EHBP1: variants seen among roughly 807,000 people sequenced by gnomAD.
EHBP1 encodes EH domain-binding protein 1.
A neutral mutation model predicts 144.0 loss-of-function variants in EHBP1; 55 were observed. The ratio of observed to expected loss-of-function variants is 0.38; its 90% CI spans 0.31 to 0.48. EHBP1 has a LOEUF of 0.48. EHBP1 is among the 20% of genes least tolerant of loss of function. The pLI, the probability that EHBP1 is intolerant of heterozygous loss-of-function variation, is 0.98. For synonymous variants in EHBP1, 469 were observed against 472.7 expected (o/e 0.99, Z 0.10); for missense variants, 1,200 against 1,364.2 (o/e 0.88, Z 1.90).
chr2:62,794,339 G>C (rs888643724), intron 5 of EHBP1, among the ~76,000 whole-genome samples: 2 of 151,802 alleles, frequency 1.3e-5, no homozygotes, highest in Admixed American at 6.6e-5. Flanking sequence ...AGTATTTCTT[G>C]GTAGCTTGAT....
chr2:63,045,748 T>C lies in EHBP1; in HGVS notation c.*248T>C. 2.2e-6 allele frequency: 1 copy of C among 454,084 alleles called. No individual in the cohort carries two copies. The highest frequency in any genetic ancestry group is 4.0e-6 in the Non-Finnish European group (1 of 248,480). The allele number at this position is 454,084 out of a possible 1,614,324, so 28.1% of individuals were successfully genotyped here. ...TTCCTTGAAATCCTGTGAAATAGAT[T>C]TGCACAGACACCTTGTGAGTGATTG... On this transcript the variant is annotated 3_prime_UTR_variant, in exon 23 of 23. Coordinates refer to ENST00000431489, the MANE Select transcript of EHBP1 (RefSeq NM_001142616.3). This position sits in a 1 kb window ranked among gnomAD's most constrained non-coding sequence, Gnocchi z 5.7.
chr2:62,989,938 G>A (rs890793502), intron 15 of EHBP1, among the ~76,000 whole-genome samples: 2 of 152,058 alleles, frequency 1.3e-5, no homozygotes, highest in Admixed American at 1.3e-4. Flanking sequence ...AATGACAATA[G>A]CATTTATTAA....
At chr2:62,982,393 A>G (rs1183407066) in intron 15 of EHBP1, among the ~76,000 whole-genome samples, 2 of 152,202 alleles carry the variant, frequency 1.3e-5, no homozygotes, top group African/African-American at 4.8e-5. Flanking sequence ...TTCAAAAGAC[A>G]GTAGGCTGGA....
At chr2:62,785,049 G>A (rs1229197869) in intron 5 of EHBP1, among the ~76,000 whole-genome samples, 1 of 151,762 alleles carries the variant, frequency 6.6e-6, no homozygotes, top group African/African-American at 2.4e-5. Flanking sequence ...TACTGTAGCT[G>A]TAAGAAATAC....
chr2:62,729,190 ATTC>A (rs2037142769), intron 2 of EHBP1, among the ~76,000 whole-genome samples: 1 of 146,690 alleles, frequency 6.8e-6, no homozygotes, highest in African/African-American at 2.5e-5. Context: ...GTTTGTCCTT[ATTC>A]TTTTTTTTTT....
chr2:62,718,707 T>C (rs1265328450), intron 2 of EHBP1, among the ~76,000 whole-genome samples: 3 of 152,198 alleles, frequency 2.0e-5, no homozygotes, highest in Admixed American at 2.0e-4. Flanking sequence ...AACAAAGCTT[T>C]AGCAGGTGCT....
At chr2:62,952,210 A>G (rs1487628545) in intron 13 of EHBP1, among the ~76,000 whole-genome samples, 8 of 152,214 alleles carry the variant, frequency 5.3e-5, no homozygotes, top group East Asian at 3.8e-4. Context: ...TTGACACTGG[A>G]TTGGCAAAAG....
chr2:62,728,222 G>T (rs1356207541), intron 2 of EHBP1, among the ~76,000 whole-genome samples: 2 of 148,122 alleles, frequency 1.4e-5, no homozygotes, highest in East Asian at 3.8e-4. Flanking sequence ...TAAACATTAC[G>T]AAGAAGGAGC....
rs557172124 is a variant in EHBP1, at chr2:62,922,897, T to A, written c.1186-19821T>A. On this transcript the variant is annotated intron_variant, in intron 10 of 22. Transcript: ENST00000431489. Reference sequence around the variant, plus strand: ...GATCTCCATTAACCCCCATTGCCACTGCAAACACCTTACAACAGTATAGTT... The same window carrying A: ...GATCTCCATTAACCCCCATTGCCACAGCAAACACCTTACAACAGTATAGTT... Among the ~76,000 whole-genome samples, 19 of 152,294 alleles carry A rather than the reference T, an allele frequency of 1.2e-4. No individual in the cohort carries two copies. The Middle Eastern group carries it at 0.01, about 82-fold the overall frequency.
At chr2:62,881,548 A>G (rs1029450182) in intron 10 of EHBP1, 1 of 152,266 alleles carries the variant, frequency 6.6e-6, no homozygotes, top group East Asian at 1.9e-4. Flanking sequence ...TTATACAAAT[A>G]TAAAGGAAGA....
At chr2:62,700,846 A>T (rs1233283717), upstream of EHBP1, among the ~76,000 whole-genome samples, 1 of 152,194 alleles carries the variant, frequency 6.6e-6, no homozygotes, top group African/African-American at 2.4e-5. Context: ...GTTCTACTGG[A>T]CTGTGCCACT....
chr2:62,867,026 C>T (rs543456139), intron 9 of EHBP1, among the ~76,000 whole-genome samples: 65 of 151,908 alleles, frequency 4.3e-4, no homozygotes, highest in Middle Eastern at 3.4e-3. Flanking sequence ...TTTTCTATTC[C>T]CAGCACTCCA....
intron 2 of EHBP1, among the ~76,000 whole-genome samples, chr2:62,721,724 C>T (rs1300034877): frequency 6.6e-6 from 1 of 152,040 alleles, no homozygotes; most frequent in Non-Finnish European, 1.5e-5. Context: ...TGGAATTTTC[C>T]TGTAAGCAAG....
chr2:62,900,156 G>A (rs1004664319), intron 10 of EHBP1, among the ~76,000 whole-genome samples: 4 of 152,110 alleles, frequency 2.6e-5, no homozygotes, highest in Non-Finnish European at 4.4e-5. Context: ...CAAGCTTGGA[G>A]AAACACAGAT....
chr2:62,757,123 T>C (rs1320064146), intron 3 of EHBP1, among the ~76,000 whole-genome samples: 1 of 152,150 alleles, frequency 6.6e-6, no homozygotes, highest in Non-Finnish European at 1.5e-5. Flanking sequence ...TCTGCAACTG[T>C]TGGTCAGAAA....
chr2:62,959,088 C>T (rs528586919), intron 14 of EHBP1, among the ~76,000 whole-genome samples: 23 of 152,200 alleles, frequency 1.5e-4, no homozygotes, highest in African/African-American at 5.5e-4. Context: ...TCCATGAATC[C>T]GACTATTTTA....
chr2:62,685,559 G>A (rs971160421), intron 1 of EHBP1, among the ~76,000 whole-genome samples: 7 of 152,052 alleles, frequency 4.6e-5, no homozygotes, highest in African/African-American at 1.5e-4. Flanking sequence ...TCCACCTGCC[G>A]ACCTCATCTT....
chr2:62,993,251 G>A (rs1283710766), intron 16 of EHBP1, among the ~76,000 whole-genome samples: 2 of 152,158 alleles, frequency 1.3e-5, no homozygotes, highest in East Asian at 3.9e-4. Flanking sequence ...ACACAGAATA[G>A]TGGGGGAAAT....
chr2:62,830,678 C>T (rs1385778032), intron 6 of EHBP1, among the ~76,000 whole-genome samples: 1 of 152,018 alleles, frequency 6.6e-6, no homozygotes, highest in Non-Finnish European at 1.5e-5. Flanking sequence ...GTTTTTGTTG[C>T]ATTTGCTTTG....
Sources: gnomAD v4.1 joint callset for allele counts (sites outside exome capture counted in the v4.1 genomes callset) on GRCh38, gnomAD v4.1.1 for gene constraint, Gnocchi (gnomAD v3.1) non-coding constraint, MANE v1.5 for transcripts, NCBI Gene and HGNC (gene_info 2026-07-23, HGNC 2026-07-21) for gene names.